PVT1: variants seen among roughly 807,000 people sequenced by gnomAD.
PVT1 encodes Pvt1 oncogene, also known as CXCR4/PVT1 fusion.
At chr8:127,944,117 G>C (rs747361402) in intron 3 of PVT1, among the ~76,000 whole-genome samples, 11 of 152,186 alleles carry the variant, frequency 7.2e-5, no homozygotes, top group Admixed American at 2.6e-4. Context: ...TTTTTAAAGA[G>C]ATGGGGGTGG....
At chr8:128,013,981 A>G (rs944766026) in intron 4 of PVT1, among the ~76,000 whole-genome samples, 9 of 152,206 alleles carry the variant, frequency 5.9e-5, no homozygotes, top group Admixed American at 5.9e-4. Flanking sequence ...TCTGGGAACT[A>G]TAGACACGTA....
rs76692103 is a variant in PVT1 at position 127,880,932 on chromosome 8, A to G, written n.373-9657A>G. Among the ~76,000 whole-genome samples, 258 of 152,288 alleles carry G rather than the reference A, an allele frequency of 1.7e-3. 1 individual carries two copies. Among genetic ancestry groups the G allele is most frequent in the African/African-American group, 6.0e-3 (249 of 41,556 alleles). On this transcript the variant is annotated intron_variant and non_coding_transcript_variant, in intron 2 of 10. Coordinates refer to ENST00000651587, the Ensembl canonical transcript of PVT1. ...ATTTCTTAAGCGATGTTGAGTTCCCAAGCACTGTGCCGGACACGCATGGGT... is the reference window on the plus strand; with the variant it reads ...ATTTCTTAAGCGATGTTGAGTTCCCGAGCACTGTGCCGGACACGCATGGGT...
rs937709347 is a variant in PVT1, at chr8:127,889,382, G to A, written n.373-1207G>A. 7.9e-5 allele frequency among the ~76,000 whole-genome samples: 12 copies of A among 151,772 alleles called. 1 individual carries two copies. The highest frequency in any genetic ancestry group is 5.9e-4 in the Admixed American group (9 of 15,216). Reference sequence around the variant, plus strand: ...TGGCCTCAAGGGATCCACCAGCCTCGGCATCACAAAGTGCTAGGATTACAG... The same window carrying A: ...TGGCCTCAAGGGATCCACCAGCCTCAGCATCACAAAGTGCTAGGATTACAG... On this transcript the variant is annotated intron_variant and non_coding_transcript_variant, in intron 2 of 10. Transcript: ENST00000651587.
intron 2 of PVT1, among the ~76,000 whole-genome samples, chr8:127,853,405 T>C (rs1254540992): frequency 2.6e-5 from 4 of 152,084 alleles, no homozygotes; most frequent in Non-Finnish European, 5.9e-5. Context: ...TTTAGCTCAG[T>C]CCAGTTGAGG....
At chr8:128,029,657 G>C (rs1813365099) in intron 4 of PVT1, among the ~76,000 whole-genome samples, 1 of 152,108 alleles carries the variant, frequency 6.6e-6, no homozygotes, top group Non-Finnish European at 1.5e-5. Context: ...AAAATTAGCT[G>C]AGCGTGGTGG....
chr8:127,943,879 C>T (rs527642312), intron 3 of PVT1, among the ~76,000 whole-genome samples: 21 of 152,162 alleles, frequency 1.4e-4, no homozygotes, highest in Non-Finnish European at 2.2e-4. Context: ...GGAAGATGAG[C>T]GTTCCGTTCC....
chr8:127,821,264 G>A (rs1007303811), intron 2 of PVT1, among the ~76,000 whole-genome samples: 7 of 152,230 alleles, frequency 4.6e-5, no homozygotes, highest in Admixed American at 3.3e-4. Context: ...TATGGTAGCC[G>A]CTAGCCACTA....
chr8:127,978,459 C>T (rs1242228190), intron 3 of PVT1, among the ~76,000 whole-genome samples: 2 of 151,524 alleles, frequency 1.3e-5, no homozygotes, highest in Non-Finnish European at 2.9e-5. Context: ...CCTTAGTTGT[C>T]ATGTTTTTGT....
At chr8:128,036,701 A>G (rs559665498) in intron 4 of PVT1, among the ~76,000 whole-genome samples, 2 of 152,286 alleles carry the variant, frequency 1.3e-5, no homozygotes, top group East Asian at 3.9e-4. Flanking sequence ...TCTTTTATTT[A>G]GTAAATGGGA....
intron 3 of PVT1, among the ~76,000 whole-genome samples, chr8:127,930,717 A>C (rs1488925411): frequency 6.6e-6 from 1 of 152,104 alleles, no homozygotes; most frequent in Non-Finnish European, 1.5e-5. Flanking sequence ...CCCCTCACTG[A>C]CATGCCCAGG....
At chr8:128,030,250 A>T (rs1474759332) in intron 4 of PVT1, among the ~76,000 whole-genome samples, 1 of 152,396 alleles carries the variant, frequency 6.6e-6, no homozygotes, top group African/African-American at 2.4e-5. Context: ...GTTTATATGG[A>T]CATAACAGTG....
At chr8:127,902,554 A>G (rs1427146725) in intron 3 of PVT1, among the ~76,000 whole-genome samples, 1 of 151,570 alleles carries the variant, frequency 6.6e-6, no homozygotes, top group Non-Finnish European at 1.5e-5. Flanking sequence ...TGAGCATAGT[A>G]TCCAGTAGTT....
At chr8:128,014,579 T>A (rs894838342) in intron 4 of PVT1, among the ~76,000 whole-genome samples, 3 of 152,198 alleles carry the variant, frequency 2.0e-5, no homozygotes, top group Non-Finnish European at 4.4e-5. Flanking sequence ...TGGGCGGTGC[T>A]GATAATGAAC....
chr8:127,997,496 A>T (rs1005156031), intron 4 of PVT1, among the ~76,000 whole-genome samples: 1 of 152,168 alleles, frequency 6.6e-6, no homozygotes, highest in Non-Finnish European at 1.5e-5. Context: ...GCAGGGTAAG[A>T]TAGTCACCGT....
chr8:128,096,689 G>A (rs1814433381), intron 6 of PVT1: 1 of 152,250 alleles, frequency 6.6e-6, no homozygotes, highest in Non-Finnish European at 1.5e-5. Flanking sequence ...CAGGGGTCGA[G>A]CCCAGGCCCC....
intron 2 of PVT1, among the ~76,000 whole-genome samples, chr8:127,804,538 ATTTT>A (rs35404021): frequency 8.9e-6 from 1 of 112,688 alleles, no homozygotes; most frequent in Middle Eastern, 4.7e-3. Context: ...TTGCATCCTG[ATTTT>A]TTTTTTTTTT....
chr8:127,949,853 C>T (rs6470593), intron 3 of PVT1, among the ~76,000 whole-genome samples: 4,329 of 152,332 alleles, frequency 0.028, 103 homozygotes, highest in African/African-American at 0.056. Context: ...AAACGCATCA[C>T]CCTGAATGGG....
At chr8:128,041,156 ATG>A (rs780196690) in intron 4 of PVT1, among the ~76,000 whole-genome samples, 89 of 136,366 alleles carry the variant, frequency 6.5e-4, no homozygotes, top group Non-Finnish European at 1.1e-3. Context: ...TTCTGCTTGT[ATG>A]TGTGTTTCTG....
At chr8:127,799,519 G>T (rs930526014) in intron 2 of PVT1, among the ~76,000 whole-genome samples, 1 of 152,224 alleles carries the variant, frequency 6.6e-6, no homozygotes, top group Non-Finnish European at 1.5e-5. Context: ...GTGTGGAAGT[G>T]GGGGGCTTGC....
Sources: gnomAD v4.1 joint callset for allele counts (sites outside exome capture counted in the v4.1 genomes callset) on GRCh38, gnomAD v4.1.1 for gene constraint, MANE v1.5 for transcripts, NCBI Gene and HGNC (gene_info 2026-07-23, HGNC 2026-07-21) for gene names.